The following R3HDML variants were observed in gnomAD, a reference collection of about 807,000 sequenced individuals.
R3HDML encodes R3H domain containing like.
Under a neutral mutation model 24.2 loss-of-function variants are expected in R3HDML, and 21 were observed. The ratio of observed to expected loss-of-function variants is 0.87; its 90% CI spans 0.62 to 1.25. The LOEUF is 1.25. R3HDML is among the 50% of genes most tolerant of loss of function. The pLI is 0.00. For synonymous variants in R3HDML, 133 were observed against 131.5 expected, an observed-to-expected ratio of 1.01 and a Z score of -0.08; for missense variants, 301 against 340.3, an observed-to-expected ratio of 0.88 and a Z score of 0.91.
intron 4 of R3HDML, among the ~76,000 whole-genome samples, chr20:44,348,600 G>A (rs962451536): frequency 1.3e-5 from 2 of 151,768 alleles, no homozygotes; most frequent in South Asian, 2.1e-4. Context: ...TTCCTGGTTC[G>A]AGCAATCCTC....
intron 4 of R3HDML, among the ~76,000 whole-genome samples, chr20:44,348,503 TC>T (rs1600603513): frequency 3.3e-5 from 4 of 121,272 alleles, no homozygotes; most frequent in Admixed American, 3.2e-4. Flanking sequence ...TCCTTTCCTT[TC>T]CTTTCCTTTC....
chr20:44,339,649 A>C (rs1030311295), intron 1 of R3HDML, among the ~76,000 whole-genome samples: 2 of 151,782 alleles, frequency 1.3e-5, no homozygotes, highest in Non-Finnish European at 2.9e-5. Flanking sequence ...GTACAGGTAT[A>C]GAATATATAC....
chr20:44,347,114 C>G (rs1268176889), intron 4 of R3HDML, among the ~76,000 whole-genome samples: 1 of 152,186 alleles, frequency 6.6e-6, no homozygotes, highest in East Asian at 1.9e-4. Context: ...TGCATTCCAG[C>G]CTGGGCAACA....
chr20:44,340,368 A>G (rs1309754595), intron 1 of R3HDML, among the ~76,000 whole-genome samples: 1 of 152,216 alleles, frequency 6.6e-6, no homozygotes, highest in Non-Finnish European at 1.5e-5. Flanking sequence ...CTGAGATTAC[A>G]GGCGTGAACC....
intron 4 of R3HDML, among the ~76,000 whole-genome samples, chr20:44,345,902 C>T (rs957627091): frequency 5.9e-5 from 9 of 151,584 alleles, no homozygotes; most frequent in African/African-American, 1.7e-4. Context: ...TCGCTGCAGC[C>T]TCCACTTCCC....
chr20:44,347,204 T>C (rs541745685), intron 4 of R3HDML, among the ~76,000 whole-genome samples: 171 of 148,944 alleles, frequency 1.1e-3, no homozygotes, highest in African/African-American at 3.9e-3. Flanking sequence ...TATTTAGAAT[T>C]TCTTTTTTTC....
In R3HDML at chr20:44,341,314, A is replaced by C; in HGVS notation, c.380A>C (p.Gln127Pro). 1.9e-6 allele frequency: 3 copies of C among 1,606,740 alleles called. No homozygotes were observed. The highest frequency in any genetic ancestry group is 2.2e-5 in the South Asian group (2 of 90,838). ...VGQNLSIHSG[Q>P]YRSVVDLMKS... ...CAGAACCTCTCCATCCATTCTGGCCAGTGAGTGACCCTCTGCCCTTCCTTC... is the reference window on the plus strand; with the variant it reads ...CAGAACCTCTCCATCCATTCTGGCCCGTGAGTGACCCTCTGCCCTTCCTTC... The change falls in exon 2 of 5, where the codon CAG becomes CCG. Residue 127 changes from glutamine (Q) to proline (P), a missense_variant and splice_region_variant. Coordinates refer to ENST00000217043, the MANE Select transcript of R3HDML (RefSeq NM_178491.4).
rs2062759179 is a variant in R3HDML at position 44,337,105 on chromosome 20, C to T, written c.-53C>T. ...CTGGTGCTCTCGTGCCTGCCCCTTC[C>T]AGGCAGCCGGCTCTGATTGCACAAG... On this transcript the variant is annotated 5_prime_UTR_variant, in exon 1 of 5. Coordinates refer to ENST00000217043, the MANE Select transcript of R3HDML (RefSeq NM_178491.4). The surrounding 1 kb of genome is among the most constrained non-coding windows in gnomAD (Gnocchi z 4.7). 1.9e-6 allele frequency: 3 copies of T among 1,564,976 alleles called. No homozygotes were observed. Among genetic ancestry groups the T allele is most frequent in the African/African-American group, 2.7e-5 (2 of 74,220 alleles).
chr20:44,340,503 G>A (rs1568675742), intron 1 of R3HDML, among the ~76,000 whole-genome samples: 2 of 152,240 alleles, frequency 1.3e-5, no homozygotes, highest in South Asian at 4.1e-4. Context: ...AAGGCCGGGT[G>A]CGATCCACCT....
At chr20:44,338,178 G>T (rs1184753468) in intron 1 of R3HDML, among the ~76,000 whole-genome samples, 3 of 152,198 alleles carry the variant, frequency 2.0e-5, no homozygotes, top group Non-Finnish European at 4.4e-5. Flanking sequence ...CCCACCCAGA[G>T]ATGTCTTTAG....
chr20:44,343,274 G>A (rs2062776801), intron 2 of R3HDML, 103 bp from the exon 3 acceptor site: 2 of 1,412,262 alleles, frequency 1.4e-6, no homozygotes, highest in Admixed American at 3.9e-5. Context: ...ACTGAGATGG[G>A]GGAAAGGAAG....
chr20:44,345,090 C>T (rs554283440), intron 3 of R3HDML, among the ~76,000 whole-genome samples, 173 bp from the exon 4 acceptor site: 2 of 152,256 alleles, frequency 1.3e-5, no homozygotes, highest in East Asian at 1.9e-4. Flanking sequence ...AAAAAGAAAA[C>T]ATTGAGAAAC....
chr20:44,349,481 C>T (rs1294417515), intron 4 of R3HDML, among the ~76,000 whole-genome samples: 2 of 152,146 alleles, frequency 1.3e-5, no homozygotes, highest in Non-Finnish European at 2.9e-5. Context: ...CGGCACAAAT[C>T]CTGATGTTCA....
chr20:44,342,875 AC>A (rs2062775814), intron 2 of R3HDML, among the ~76,000 whole-genome samples: 1 of 151,982 alleles, frequency 6.6e-6, no homozygotes, highest in African/African-American at 2.4e-5. Flanking sequence ...AATTGCTTGA[AC>A]CCAGAAGGCA....
chr20:44,341,438 ACCTGCAGGGAG>A (rs1190571886), intron 2 of R3HDML, 124 bp downstream of exon 2: 4 of 714,952 alleles, frequency 5.6e-6, no homozygotes, highest in Non-Finnish European at 9.1e-6. Flanking sequence ...CAAGCTCTCC[ACCTGCAGGGAG>A]CCTGCATTCT....
intron 1 of R3HDML, among the ~76,000 whole-genome samples, chr20:44,340,544 C>T (rs1428476552): frequency 1.3e-5 from 2 of 152,238 alleles, no homozygotes; most frequent in Non-Finnish European, 2.9e-5. Context: ...CCTGTAATCC[C>T]AGCACTTTGG....
intron 4 of R3HDML, among the ~76,000 whole-genome samples, chr20:44,346,056 G>C (rs1205624359): frequency 1.3e-5 from 2 of 152,278 alleles, no homozygotes; most frequent in East Asian, 3.9e-4. Context: ...CTAACCTCAG[G>C]TGATCTGCCC....
chr20:44,350,230 C>T (rs531257468), intron 4 of R3HDML, among the ~76,000 whole-genome samples: 2 of 151,724 alleles, frequency 1.3e-5, no homozygotes, highest in African/African-American at 2.4e-5. Flanking sequence ...CCAAGGCTTA[C>T]AGGTTGGGCA....
At chr20:44,347,870 T>A (rs2062792684) in intron 4 of R3HDML, 1 of 152,082 alleles carries the variant, frequency 6.6e-6, no homozygotes, top group Admixed American at 6.6e-5. Context: ...AAATGGCATC[T>A]ATTGACAATG....
Sources: gnomAD v4.1 joint callset for allele counts (sites outside exome capture counted in the v4.1 genomes callset) on GRCh38, gnomAD v4.1.1 for gene constraint, Gnocchi (gnomAD v3.1) non-coding constraint, MANE v1.5 for transcripts, NCBI Gene and HGNC (gene_info 2026-07-23, HGNC 2026-07-21) for gene names.